Variants in TMEM182 observed in about 807,000 individuals in gnomAD.
TMEM182 encodes the protein transmembrane protein 182.
Under a neutral mutation model 26.8 loss-of-function variants are expected in TMEM182, and 20 were observed. The ratio of observed to expected loss-of-function variants is 0.75; its 90% CI spans 0.53 to 1.09. TMEM182 has a LOEUF of 1.09. Among genes scored for constraint, TMEM182 ranks in the 50% least tolerant of loss-of-function variants. The probability of loss-of-function intolerance (pLI) is 0.00; values close to 1 mark genes in which losing one functional copy is unlikely to be tolerated. For missense variants in TMEM182, 277 were observed against 275.5 expected (o/e 1.01, Z -0.04); for synonymous variants, 109 against 102.2 (o/e 1.07, Z -0.40).
chr2:102,783,860 C>G (rs746028965), intron 3 of TMEM182, among the ~76,000 whole-genome samples: 1 of 152,184 alleles, frequency 6.6e-6, no homozygotes, highest in Admixed American at 6.5e-5. Flanking sequence ...GACTCTCAGC[C>G]TGTGAATAAA....
At chr2:102,818,798 T>A (rs1449802376), downstream of TMEM182, among the ~76,000 whole-genome samples, 1 of 144,990 alleles carries the variant, frequency 6.9e-6, no homozygotes, top group Non-Finnish European at 1.5e-5. Context: ...ATTATACAGT[T>A]AAATTGATCT....
intron 3 of TMEM182, among the ~76,000 whole-genome samples, chr2:102,766,940 C>T (rs904645247): frequency 2.0e-5 from 3 of 152,050 alleles, no homozygotes; most frequent in Non-Finnish European, 4.4e-5. Flanking sequence ...AGGACACTAC[C>T]GATGAAATTA....
At position 102,816,850 on chromosome 2, in the gene TMEM182, G is replaced by C; in HGVS notation, c.*1882G>C. The C allele has an allele frequency of 1.0e-6, 1 of 985,778 alleles. No individual in the cohort carries two copies. The highest frequency in any genetic ancestry group is 1.2e-6 in the Non-Finnish European group (1 of 829,914). 61.1% of individuals were successfully genotyped at this position (985,778 alleles called of 1,614,324 possible). A position where few individuals can be genotyped will look rare whatever the true frequency, so the allele number is the denominator to read the frequency against. On this transcript the variant is annotated 3_prime_UTR_variant, in exon 5 of 5. Transcript: ENST00000412401. ...GAATGGAGCCTTTTTCTGGTGTACT[G>C]TATGCCATTTAAGTTTCACATACAA...
intron 3 of TMEM182, among the ~76,000 whole-genome samples, chr2:102,831,870 C>T (rs977235880): frequency 6.6e-6 from 1 of 152,162 alleles, no homozygotes; most frequent in Non-Finnish European, 1.5e-5. Context: ...ACTTGGGACA[C>T]CCAACCACCA....
chr2:102,782,691 A>G (rs1357889885), intron 3 of TMEM182, among the ~76,000 whole-genome samples: 1 of 152,178 alleles, frequency 6.6e-6, no homozygotes, highest in Admixed American at 6.5e-5. Flanking sequence ...CAACTTTAGA[A>G]CATTTAAAAA....
intron 3 of TMEM182, among the ~76,000 whole-genome samples, chr2:102,795,957 A>G (rs774368741): frequency 2.0e-5 from 3 of 152,104 alleles, no homozygotes; most frequent in African/African-American, 4.8e-5. Flanking sequence ...TGATTCCTCT[A>G]TCTAGAGGGT....
At chr2:102,809,899 C>G (rs1248439931) in intron 4 of TMEM182, among the ~76,000 whole-genome samples, 3 of 152,140 alleles carry the variant, frequency 2.0e-5, no homozygotes, top group Non-Finnish European at 4.4e-5. Flanking sequence ...CTGTGCAGTT[C>G]TATGGCTTTT....
At chr2:102,821,943 G>A (rs563317292), downstream of TMEM182, among the ~76,000 whole-genome samples, 242 of 148,874 alleles carry the variant, frequency 1.6e-3, 1 homozygote, top group Non-Finnish European at 2.1e-3. Context: ...AGCTGAGATC[G>A]CTCCACTGCA....
At position 102,765,687 on chromosome 2, in the gene TMEM182, C is replaced by T. The variant is rs568107782; in HGVS notation, c.331+1260C>T. Among the ~76,000 whole-genome samples, 4 of 152,246 alleles carry T rather than the reference C, an allele frequency of 2.6e-5. No individual in the cohort carries two copies. The South Asian group carries it at 8.3e-4, about 32-fold the overall frequency. On this transcript the variant is annotated intron_variant, in intron 3 of 4. Transcript: ENST00000412401. The stretch of plus-strand genomic sequence containing the variant: ...AAGAATGTAACATTTGCTTGTATTA[C>T]ATCATTAATAGGACACTTATAAAGA...
At chr2:102,802,129 G>A (rs1033125105) in intron 4 of TMEM182, among the ~76,000 whole-genome samples, 5 of 152,184 alleles carry the variant, frequency 3.3e-5, no homozygotes, top group South Asian at 2.1e-4. Context: ...AGAATTGGAC[G>A]CTGTCTGTAT....
chr2:102,772,657 G>A (rs1436123673), intron 3 of TMEM182, among the ~76,000 whole-genome samples: 1 of 152,142 alleles, frequency 6.6e-6, no homozygotes, highest in Non-Finnish European at 1.5e-5. Flanking sequence ...ATCACCTGGT[G>A]CCATCACTTT....
chr2:102,799,937 A>G (rs991876591), intron 4 of TMEM182, among the ~76,000 whole-genome samples: 12 of 152,136 alleles, frequency 7.9e-5, no homozygotes, highest in African/African-American at 2.9e-4. Context: ...GGAGAAGGTC[A>G]GAGAAAAACT....
intron 3 of TMEM182, among the ~76,000 whole-genome samples, chr2:102,784,231 A>G (rs1156399033): frequency 6.6e-6 from 1 of 152,188 alleles, no homozygotes; most frequent in African/African-American, 2.4e-5. Flanking sequence ...TGGGTAGACT[A>G]GTTTACAGAA....
intron 1 of TMEM182, among the ~76,000 whole-genome samples, chr2:102,756,524 A>G (rs1401691213): frequency 6.9e-6 from 1 of 145,936 alleles, no homozygotes; most frequent in Non-Finnish European, 1.5e-5. Context: ...TCTGGCCAAC[A>G]TGGTGAAGCC....
chr2:102,764,273 T>A, intron 2 of TMEM182, 56 bp from the exon 3 acceptor site: 1 of 1,523,476 alleles, frequency 6.6e-7, no homozygotes, highest in Non-Finnish European at 9.1e-7. Context: ...CCATTAAGGA[T>A]GAGTCATGAC....
upstream of TMEM182, among the ~76,000 whole-genome samples, chr2:102,761,029 G>A (rs150661863): frequency 4.6e-5 from 7 of 152,276 alleles, no homozygotes; most frequent in East Asian, 5.8e-4. Flanking sequence ...AAAAGAAGGC[G>A]TGAAGAAAGC....
At chr2:102,749,984 A>G (rs2104638060) in intron 1 of TMEM182, among the ~76,000 whole-genome samples, 1 of 151,938 alleles carries the variant, frequency 6.6e-6, no homozygotes, top group Middle Eastern at 3.4e-3. Context: ...TTCTTTGCAT[A>G]TTTTTCAGTT....
intron 3 of TMEM182, among the ~76,000 whole-genome samples, chr2:102,822,890 A>G (rs1335417046): frequency 2.0e-5 from 3 of 151,902 alleles, no homozygotes; most frequent in Non-Finnish European, 2.9e-5. Flanking sequence ...CAAAAGAAGA[A>G]GAAGAAAGAA....
chr2:102,790,937 T>A (rs1229846340), intron 3 of TMEM182, among the ~76,000 whole-genome samples: 1 of 152,138 alleles, frequency 6.6e-6, no homozygotes, highest in Admixed American at 6.5e-5. Flanking sequence ...GTTAACTTAT[T>A]TATTGAATTT....
Sources: allele counts gnomAD v4.1 joint callset (sites outside exome capture counted in the v4.1 genomes callset), GRCh38; gene constraint gnomAD v4.1.1; transcripts MANE v1.5; gene names NCBI Gene and HGNC (gene_info 2026-07-23, HGNC 2026-07-21).